The following RASGRF2 variants were observed in gnomAD, a reference collection of about 807,000 sequenced individuals.
RASGRF2 encodes ras-specific guanine nucleotide-releasing factor 2.
Under a neutral mutation model 151.0 loss-of-function variants are expected in RASGRF2, and 76 were observed. That is an observed-to-expected ratio of 0.50 (90% CI 0.42 to 0.61). The LOEUF (loss-of-function observed/expected upper bound fraction) is 0.61. RASGRF2 is among the 20% of genes least tolerant of loss of function. The pLI, the probability that RASGRF2 is intolerant of heterozygous loss-of-function variation, is 0.00. For missense variants in RASGRF2, 1,148 were observed against 1,564.6 expected, an observed-to-expected ratio of 0.73 and a Z score of 4.49; for synonymous variants, 504 against 566.5, an observed-to-expected ratio of 0.89 and a Z score of 1.57.
At chr5:81,017,579 G>C (rs534216584) in intron 1 of RASGRF2, among the ~76,000 whole-genome samples, 3 of 152,332 alleles carry the variant, frequency 2.0e-5, no homozygotes, top group Admixed American at 2.0e-4. Flanking sequence ...GGAGGTGGCA[G>C]CTGGAAGATT....
rs151189190 is a variant in RASGRF2 at position 81,020,481 on chromosome 5, T to C, written c.289-22396T>C. 1.5e-4 allele frequency among the ~76,000 whole-genome samples: 23 copies of C among 152,352 alleles called. 1 individual carries two copies. The East Asian group carries it at 3.5e-3, about 23-fold the overall frequency. On this transcript the variant is annotated intron_variant, in intron 1 of 26. Transcript: ENST00000265080. ...GTTCATTACATCTCATGTTTCCTTA[T>C]TGATGATCATTTATTCACCCAAATA... is the stretch of plus-strand genomic sequence containing the variant.
rs181396761 is a variant in RASGRF2 at position 81,189,288 on chromosome 5, C to T, written c.2793+9007C>T. On this transcript the variant is annotated intron_variant, in intron 18 of 26. Transcript: ENST00000265080. Reference sequence around the variant, plus strand: ...AGTGGGTGAGATGCTGCCCACTGCTCAGGCACCACAGAGTGCCACGAGGCT... The same window carrying T: ...AGTGGGTGAGATGCTGCCCACTGCTTAGGCACCACAGAGTGCCACGAGGCT... Among the ~76,000 whole-genome samples, 6 of 152,298 alleles carry T rather than the reference C, an allele frequency of 3.9e-5. No individual in the cohort carries two copies. The East Asian group carries it at 5.8e-4, about 15-fold the overall frequency.
chr5:80,981,894 G>A (rs558796274), intron 1 of RASGRF2, among the ~76,000 whole-genome samples: 117 of 152,224 alleles, frequency 7.7e-4, no homozygotes, highest in African/African-American at 2.8e-3. Flanking sequence ...AAAAAGCAAA[G>A]CATCTAGTTT....
intron 2 of RASGRF2, among the ~76,000 whole-genome samples, chr5:81,044,862 ATT>A (rs1750789222): frequency 1.3e-5 from 2 of 151,426 alleles, no homozygotes; most frequent in African/African-American, 4.9e-5. Context: ...TCTTTTCCTC[ATT>A]CAAAGACGAA....
chr5:81,135,516 G>A (rs1349241035), intron 17 of RASGRF2, among the ~76,000 whole-genome samples: 3 of 152,082 alleles, frequency 2.0e-5, no homozygotes, highest in Non-Finnish European at 2.9e-5. Context: ...AATATAAATG[G>A]AATTACTCAT....
chr5:81,098,483 G>A (rs986900046), intron 12 of RASGRF2, among the ~76,000 whole-genome samples: 13 of 152,192 alleles, frequency 8.5e-5, no homozygotes, highest in Non-Finnish European at 1.3e-4. Flanking sequence ...CAGACTGAGA[G>A]AGGGGTCAAG....
chr5:81,206,835 T>C lies in RASGRF2; in HGVS notation c.2907-10T>C. On this transcript the variant is annotated splice_polypyrimidine_tract_variant and intron_variant, in intron 19 of 26. Transcript: ENST00000265080. ...TTCTTTCATGGAGGATAATTTGATA[T>C]CTTTTTCAGGGCCCTTTCACAAGAT... is the stretch of plus-strand genomic sequence containing the variant. The C allele has an allele frequency of 6.2e-7, 1 of 1,602,656 alleles. No homozygotes were observed.
chr5:81,047,057 G>T (rs1465645452), intron 2 of RASGRF2, among the ~76,000 whole-genome samples: 1 of 152,168 alleles, frequency 6.6e-6, no homozygotes, highest in Non-Finnish European at 1.5e-5. Context: ...GACTAGGGTG[G>T]CATCTAACAC....
intron 1 of RASGRF2, among the ~76,000 whole-genome samples, chr5:80,971,111 T>A (rs1389543945): frequency 6.6e-6 from 1 of 152,240 alleles, no homozygotes; most frequent in Non-Finnish European, 1.5e-5. Flanking sequence ...ATCAGAAAAG[T>A]ACACACATCA....
intron 1 of RASGRF2, among the ~76,000 whole-genome samples, chr5:80,981,611 G>C (rs977512361): frequency 3.9e-5 from 6 of 152,104 alleles, no homozygotes; most frequent in Admixed American, 1.3e-4. Context: ...TGTCGCCCAG[G>C]TCGGAGTGCA....
intron 2 of RASGRF2, 135 bp downstream of exon 2, chr5:81,043,118 G>A: frequency 1.7e-6 from 1 of 597,146 alleles, no homozygotes. Flanking sequence ...TTAGTCATGT[G>A]TGAGATCATT....
At chr5:81,038,358 A>G (rs1309278329) in intron 1 of RASGRF2, among the ~76,000 whole-genome samples, 7 of 152,152 alleles carry the variant, frequency 4.6e-5, no homozygotes, top group Admixed American at 4.6e-4. Context: ...CTCCTTGTCA[A>G]CAGTATTGTC....
At chr5:80,988,328 G>A (rs182885932) in intron 1 of RASGRF2, among the ~76,000 whole-genome samples, 20 of 152,230 alleles carry the variant, frequency 1.3e-4, no homozygotes, top group Non-Finnish European at 2.5e-4. Context: ...TGGGATTACA[G>A]TGATGAGCCA....
At chr5:81,221,514 TTC>T (rs1755857083) in intron 26 of RASGRF2, among the ~76,000 whole-genome samples, 1 of 152,262 alleles carries the variant, frequency 6.6e-6, no homozygotes, top group African/African-American at 2.4e-5. Flanking sequence ...ATGTAGGGTT[TTC>T]TCTTTTTCTT....
chr5:80,975,202 C>T (rs560794222), intron 1 of RASGRF2, among the ~76,000 whole-genome samples: 2 of 152,132 alleles, frequency 1.3e-5, no homozygotes, highest in East Asian at 3.9e-4. Flanking sequence ...GCCTCTTTAT[C>T]GAAAAGCTTC....
At chr5:80,990,439 G>C (rs1026162274) in intron 1 of RASGRF2, among the ~76,000 whole-genome samples, 1 of 152,058 alleles carries the variant, frequency 6.6e-6, no homozygotes, top group Admixed American at 6.5e-5. Context: ...GAAAGGAGTC[G>C]GGAGGGGGCT....
rs1452061244 is a variant in RASGRF2, at chr5:81,228,979, G to A, written c.*3209G>A. 1.3e-5 allele frequency: 2 copies of A among 152,180 alleles called. No individual in the cohort carries two copies. The highest frequency in any genetic ancestry group is 2.9e-5 in the Non-Finnish European group (2 of 68,022). The allele number at this position is 152,180 out of a possible 1,614,324, so 9.4% of individuals were successfully genotyped here. On this transcript the variant is annotated 3_prime_UTR_variant, in exon 27 of 27. Coordinates refer to ENST00000265080, the MANE Select transcript of RASGRF2 (RefSeq NM_006909.3). Reference sequence around the variant, plus strand: ...AGAGAAAAATCCATTATGGTCCCATGTGGAGTGAATAATGATGGATCAGCA... The same window carrying A: ...AGAGAAAAATCCATTATGGTCCCATATGGAGTGAATAATGATGGATCAGCA...
At chr5:81,223,254 A>G (rs939487668) in intron 26 of RASGRF2, 1 of 152,226 alleles carries the variant, frequency 6.6e-6, no homozygotes, top group Non-Finnish European at 1.5e-5. Context: ...AGGCATAGAT[A>G]GGCAAAAAAC....
At chr5:81,007,981 C>T (rs1308400500) in intron 1 of RASGRF2, among the ~76,000 whole-genome samples, 1 of 152,064 alleles carries the variant, frequency 6.6e-6, no homozygotes, top group African/African-American at 2.4e-5. Flanking sequence ...CAGGACCATC[C>T]AGCAATAGTA....
Sources: allele counts gnomAD v4.1 joint callset (sites outside exome capture counted in the v4.1 genomes callset), GRCh38; gene constraint gnomAD v4.1.1; transcripts MANE v1.5; gene names NCBI Gene and HGNC (gene_info 2026-07-23, HGNC 2026-07-21).